SEC14L5: variants seen among roughly 807,000 people sequenced by gnomAD.
SEC14L5 encodes SEC14-like protein 5.
SEC14L5 carries 96 observed loss-of-function variants against 84.6 expected under a neutral mutation model. That is an observed-to-expected ratio of 1.13 (90% CI 0.96 to 1.34). The LOEUF is 1.34. SEC14L5 is among the 40% of genes most tolerant of loss of function. The pLI, the probability that SEC14L5 is intolerant of heterozygous loss-of-function variation, is 0.00. For synonymous variants in SEC14L5, 546 were observed against 383.4 expected (o/e 1.42, Z -4.95); for missense variants, 1,224 against 942.5 (o/e 1.30, Z -3.91).
At chr16:4,990,572 G>C (rs73510481) in intron 4 of SEC14L5, among the ~76,000 whole-genome samples, 195 bp from the exon 5 acceptor site, 2,532 of 152,314 alleles carry the variant, frequency 0.017, 63 homozygotes, top group African/African-American at 0.057. Flanking sequence ...AAGGCTTTTT[G>C]TTCCCTGACA....
At chr16:4,968,107 C>T (rs965223171) in intron 2 of SEC14L5, among the ~76,000 whole-genome samples, 1 of 151,462 alleles carries the variant, frequency 6.6e-6, no homozygotes, top group African/African-American at 2.4e-5. Flanking sequence ...CAGCCTTGAC[C>T]TCCTGGAGGT....
chr16:4,996,966 G>A lies in SEC14L5; in HGVS notation c.892G>A (p.Asp298Asn), dbSNP rs1488654913. ...GAGCTGGCGCAAGCAGCACCAGGTG[G>A]ATCTCCTCCTTCAGACCTGGCAACC... ...SLSWRKQHQV[D>N]LLLQTWQPPA... The change falls in exon 8 of 16, where the codon GAT (aspartate) becomes AAT (asparagine). Residue 298 changes from aspartate (D) to asparagine (N), a missense_variant. Transcript: ENST00000251170. 1.9e-6 allele frequency: 3 copies of A among 1,613,624 alleles called. No individual in the cohort carries two copies. The highest frequency in any genetic ancestry group is 2.5e-6 in the Non-Finnish European group (3 of 1,179,718).
At chr16:4,999,814 C>T (rs1355404071) in intron 8 of SEC14L5, among the ~76,000 whole-genome samples, 1 of 151,848 alleles carries the variant, frequency 6.6e-6, no homozygotes, top group Non-Finnish European at 1.5e-5. Flanking sequence ...ACCTGGGAGG[C>T]CGAGGTGTGA....
intron 8 of SEC14L5, among the ~76,000 whole-genome samples, chr16:4,999,192 C>T (rs1457421019): frequency 2.6e-5 from 4 of 152,166 alleles, no homozygotes; most frequent in Non-Finnish European, 5.9e-5. Flanking sequence ...CAAGTGGCCA[C>T]GTGCTCCATG....
At chr16:4,960,312 T>A (rs779770405) in intron 2 of SEC14L5, among the ~76,000 whole-genome samples, 2 of 152,206 alleles carry the variant, frequency 1.3e-5, no homozygotes, top group Non-Finnish European at 2.9e-5. Context: ...TCACAAAATA[T>A]GCTGTCGCTG....
At chr16:4,985,344 G>C (rs945298636) in intron 2 of SEC14L5, among the ~76,000 whole-genome samples, 7 of 152,114 alleles carry the variant, frequency 4.6e-5, no homozygotes, top group Non-Finnish European at 7.3e-5. Flanking sequence ...TCCTGCCTCA[G>C]CCTCCTGAGT....
chr16:4,989,327 G>GT lies in SEC14L5; in HGVS notation c.345+1058dup, dbSNP rs5815223. Among the ~76,000 whole-genome samples the GT allele has an allele frequency of 5.4e-4, 74 of 136,462 alleles. 1 individual carries two copies. The highest frequency in any genetic ancestry group is 1.8e-3 in the African/African-American group (66 of 37,572). 89.5% of individuals were successfully genotyped at this position (136,462 alleles called of 152,430 possible). ...TTTTTTTTGTTTGTTTGTTTGTTTT[G>GT]TTTTTTTTTTTGTTTGTTTTTTTGA... On this transcript the variant is annotated intron_variant, in intron 4 of 15. Transcript: ENST00000251170.
chr16:5,008,320 GAGA>G lies in SEC14L5; in HGVS notation c.1573-100_1573-98del. On this transcript the variant is annotated intron_variant, in intron 13 of 15. Transcript: ENST00000251170. ...AGGAATGAGCGTGTGCCTGGGAAAG[GAGA>G]CCCCAGGGGGCACCCACAGCCCCTC... 4 of 797,474 alleles carry G rather than the reference GAGA, an allele frequency of 5.0e-6. No individual in the cohort carries two copies. The East Asian group carries it at 8.0e-5, about 16-fold the overall frequency. 49.4% of individuals were successfully genotyped at this position (797,474 alleles called of 1,614,324 possible). A position where few individuals can be genotyped will look rare whatever the true frequency, so the allele number is the denominator to read the frequency against.
chr16:4,959,512 A>G, intron 2 of SEC14L5, 126 bp downstream of exon 2: 1 of 812,206 alleles, frequency 1.2e-6, no homozygotes, highest in East Asian at 2.6e-5. Context: ...TACTCAGCTG[A>G]CCTGGTGGGT....
At chr16:4,999,889 T>C (rs1234312619) in intron 8 of SEC14L5, among the ~76,000 whole-genome samples, 2 of 152,068 alleles carry the variant, frequency 1.3e-5, no homozygotes, top group Non-Finnish European at 2.9e-5. Flanking sequence ...AACTCCAGCC[T>C]GGGTGATACA....
At chr16:4,992,231 G>GTTTCT (rs1955560796) in intron 6 of SEC14L5, among the ~76,000 whole-genome samples, 1 of 151,982 alleles carries the variant, frequency 6.6e-6, no homozygotes, top group African/African-American at 2.4e-5. Context: ...GAACTCATTT[G>GTTTCT]TTTCTTTTCT....
intron 2 of SEC14L5, among the ~76,000 whole-genome samples, chr16:4,976,772 G>T (rs1955346187): frequency 6.6e-6 from 1 of 152,184 alleles, no homozygotes; most frequent in African/African-American, 2.4e-5. Flanking sequence ...GTCCTCTCCA[G>T]CCACCTGGCA....
intron 14 of SEC14L5, among the ~76,000 whole-genome samples, chr16:5,010,626 C>T (rs1349364723): frequency 6.6e-6 from 1 of 152,176 alleles, no homozygotes; most frequent in Non-Finnish European, 1.5e-5. Context: ...CTGGGTCCCA[C>T]TGAACTTCTC....
rs1319933385 is a variant in SEC14L5, at chr16:5,017,754, C to T, written c.*2784C>T. The stretch of plus-strand genomic sequence containing the variant: ...GGTGGCATCTGCTACGGCCGGCTCT[C>T]CTCCCATGTGGAGGTCTCGGGGACC... On this transcript the variant is annotated 3_prime_UTR_variant, in exon 16 of 16. Transcript: ENST00000251170. 3.3e-5 allele frequency: 5 copies of T among 152,150 alleles called. No homozygotes were observed. Among genetic ancestry groups the T allele is most frequent in the Admixed American group, 2.6e-4 (4 of 15,272 alleles). The allele number at this position is 152,150 out of a possible 1,614,324, so 9.4% of individuals were successfully genotyped here.
intron 1 of SEC14L5, among the ~76,000 whole-genome samples, chr16:4,958,718 G>A (rs1955084002): frequency 6.6e-6 from 1 of 152,240 alleles, no homozygotes; most frequent in African/African-American, 2.4e-5. Context: ...GTTTCAGGGT[G>A]TGTGTGCAAA....
rs1370394463 is a variant in SEC14L5 at position 5,016,237 on chromosome 16, A to T, written c.*1267A>T. 1.3e-5 allele frequency: 2 copies of T among 152,148 alleles called. No homozygotes were observed. The highest frequency in any genetic ancestry group is 2.9e-5 in the Non-Finnish European group (2 of 68,024). 9.4% of individuals were successfully genotyped at this position (152,148 alleles called of 1,614,324 possible). On this transcript the variant is annotated 3_prime_UTR_variant, in exon 16 of 16. Transcript: ENST00000251170. Reference sequence around the variant, plus strand: ...TGAGTTCCCCTAGTTACTACACAGGAGCGTCTTGGGTCTCCTTGGGGCCTG... The same window carrying T: ...TGAGTTCCCCTAGTTACTACACAGGTGCGTCTTGGGTCTCCTTGGGGCCTG...
Position 5,000,916 on chromosome 16 carries a change from GT to G in SEC14L5, c.1122del (p.Ile376SerfsTer8), listed in dbSNP as rs755208124. 6.2e-7 allele frequency: 1 copy of G among 1,605,880 alleles called. No individual in the cohort carries two copies. Among genetic ancestry groups the G allele is most frequent in the Non-Finnish European group, 8.5e-7 (1 of 1,176,316 alleles). On this transcript the variant is annotated frameshift_variant, in exon 10 of 16. Coordinates refer to ENST00000251170, the MANE Select transcript of SEC14L5 (RefSeq NM_014692.2). LOFTEE classifies it high-confidence loss of function. ...GAGGGGAGCACAAGGCAGCTGGGCCGTCCCATCAGGCAAACACCTGGGCTGG... is the reference window on the plus strand; with the variant it reads ...GAGGGGAGCACAAGGCAGCTGGGCCGCCCATCAGGCAAACACCTGGGCTGG... ...RCEGSTRQLG[R>X]PISSWTCLLD...
intron 3 of SEC14L5, among the ~76,000 whole-genome samples, 184 bp from the exon 4 acceptor site, chr16:4,987,965 A>T (rs982638428): frequency 1.3e-5 from 2 of 148,448 alleles, no homozygotes; most frequent in Non-Finnish European, 3.0e-5. Context: ...GGTGGTGAAG[A>T]TGGGTTGGCG....
At chr16:4,983,588 T>C (rs192484918) in intron 2 of SEC14L5, among the ~76,000 whole-genome samples, 1 of 151,006 alleles carries the variant, frequency 6.6e-6, no homozygotes, top group East Asian at 1.9e-4. Flanking sequence ...AATATATGTA[T>C]ACATGTGGCC....
Sources: allele counts gnomAD v4.1 joint callset (sites outside exome capture counted in the v4.1 genomes callset), GRCh38; gene constraint gnomAD v4.1.1; transcripts MANE v1.5; gene names NCBI Gene and HGNC (gene_info 2026-07-23, HGNC 2026-07-21).